The following TBC1D22A variants were observed in gnomAD, a reference collection of about 807,000 sequenced individuals.
TBC1D22A encodes TBC1 domain family member 22A.
Under a neutral mutation model 60.2 loss-of-function variants are expected in TBC1D22A, and 38 were observed. The ratio of observed to expected loss-of-function variants is 0.63; its 90% CI spans 0.49 to 0.83. The LOEUF (loss-of-function observed/expected upper bound fraction) is 0.83. Ranked by LOEUF, TBC1D22A falls within the 40% of genes least tolerant of loss-of-function variation. The probability of loss-of-function intolerance (pLI) is 0.00; values close to 1 mark genes in which losing one functional copy is unlikely to be tolerated. For synonymous variants in TBC1D22A, 302 were observed against 281.7 expected (o/e 1.07, Z -0.72); for missense variants, 628 against 701.0 (o/e 0.90, Z 1.18).
rs376952972 is a variant in TBC1D22A at position 46,941,334 on chromosome 22, A to AAT, written c.1015+29160_1015+29161dup. ...AACAGCATGGGGACTGGGGCACTAC[A>AAT]ATATATATATATATAGAATATATAT... is the stretch of plus-strand genomic sequence containing the variant. On this transcript the variant is annotated intron_variant, in intron 8 of 12. Coordinates refer to ENST00000337137, the MANE Select transcript of TBC1D22A (RefSeq NM_014346.5). 9.5e-4 allele frequency among the ~76,000 whole-genome samples: 136 copies of AAT among 143,136 alleles called. 2 individuals are homozygous for AAT. The highest frequency in any genetic ancestry group is 2.6e-3 in the African/African-American group (93 of 35,874). 93.9% of individuals were successfully genotyped at this position (143,136 alleles called of 152,430 possible). A position where few individuals can be genotyped will look rare whatever the true frequency, so the allele number is the denominator to read the frequency against.
At chr22:47,069,011 G>C (rs936861785) in intron 11 of TBC1D22A, among the ~76,000 whole-genome samples, 1 of 152,076 alleles carries the variant, frequency 6.6e-6, no homozygotes, top group Non-Finnish European at 1.5e-5. Context: ...GAGGCAGTAG[G>C]GTCCTATTTT....
At chr22:47,078,948 T>C (rs188409404) in intron 11 of TBC1D22A, among the ~76,000 whole-genome samples, 1 of 152,190 alleles carries the variant, frequency 6.6e-6, no homozygotes, top group Non-Finnish European at 1.5e-5. Context: ...AGCTCTCAGC[T>C]ACAGTGTCCT....
intron 8 of TBC1D22A, among the ~76,000 whole-genome samples, chr22:46,944,435 G>A (rs935780015): frequency 2.0e-5 from 3 of 151,902 alleles, no homozygotes; most frequent in East Asian, 1.9e-4. Context: ...GTCTTGCTCC[G>A]TCTCCCAGGC....
rs982423427 is a variant in TBC1D22A at position 46,897,540 on chromosome 22, A to G, written c.900+2694A>G. On this transcript the variant is annotated intron_variant, in intron 7 of 12. Coordinates refer to ENST00000337137, the MANE Select transcript of TBC1D22A (RefSeq NM_014346.5). Reference sequence around the variant, plus strand: ...CAATCAGAGGTACTTTCAGTTTTTCATCTGCCACGCAGAAGAGGGGTGGAT... The same window carrying G: ...CAATCAGAGGTACTTTCAGTTTTTCGTCTGCCACGCAGAAGAGGGGTGGAT... 2.3e-4 allele frequency among the ~76,000 whole-genome samples: 34 copies of G among 149,240 alleles called. No homozygotes were observed. The East Asian group carries it at 3.3e-3, about 15-fold the overall frequency.
At chr22:46,970,207 G>A (rs2073991644) in intron 8 of TBC1D22A, among the ~76,000 whole-genome samples, 1 of 152,098 alleles carries the variant, frequency 6.6e-6, no homozygotes, top group African/African-American at 2.4e-5. Flanking sequence ...CGGGGCCTGA[G>A]AGCCGCCCCC....
chr22:47,130,012 G>A (rs372232090), intron 12 of TBC1D22A, among the ~76,000 whole-genome samples: 3 of 152,178 alleles, frequency 2.0e-5, no homozygotes, highest in Non-Finnish European at 2.9e-5. Flanking sequence ...CCTCGTGCCC[G>A]GCCCTTCCTT....
At chr22:46,844,391 C>T (rs781181293) in intron 4 of TBC1D22A, among the ~76,000 whole-genome samples, 2 of 152,180 alleles carry the variant, frequency 1.3e-5, no homozygotes, top group East Asian at 3.9e-4. Flanking sequence ...CTGGGCAGCC[C>T]TGTCTCCCTC....
intron 11 of TBC1D22A, among the ~76,000 whole-genome samples, chr22:47,046,967 G>A (rs1245950795): frequency 6.6e-6 from 1 of 152,242 alleles, no homozygotes; most frequent in Non-Finnish European, 1.5e-5. Context: ...TTTCTTTGGG[G>A]CATTTTTGGT....
chr22:47,063,573 A>C (rs1246218721), intron 11 of TBC1D22A, among the ~76,000 whole-genome samples: 1 of 152,018 alleles, frequency 6.6e-6, no homozygotes, highest in African/African-American at 2.4e-5. Context: ...CACTGTGTTG[A>C]GGGTGAGCCT....
intron 10 of TBC1D22A, among the ~76,000 whole-genome samples, chr22:47,027,360 G>A (rs1411786367): frequency 6.6e-6 from 1 of 151,730 alleles, no homozygotes; most frequent in Non-Finnish European, 1.5e-5. Flanking sequence ...TAGGTTTTTG[G>A]GGAACAGGTG....
intron 8 of TBC1D22A, among the ~76,000 whole-genome samples, chr22:46,921,481 G>C (rs922858299): frequency 3.3e-5 from 5 of 152,138 alleles, no homozygotes; most frequent in African/African-American, 1.2e-4. Flanking sequence ...TCTTTATCCA[G>C]TCCACCATTG....
chr22:46,957,326 A>C (rs1457474191), intron 8 of TBC1D22A, among the ~76,000 whole-genome samples: 5 of 152,250 alleles, frequency 3.3e-5, no homozygotes, highest in Non-Finnish European at 5.9e-5. Context: ...AAGAGGTTTA[A>C]CTGACTCACA....
intron 1 of TBC1D22A, among the ~76,000 whole-genome samples, chr22:46,774,815 G>C (rs545520306): frequency 2.0e-4 from 31 of 152,166 alleles, no homozygotes; most frequent in Non-Finnish European, 4.0e-4. Context: ...GCTCATGCTT[G>C]GGTTCATTTG....
At chr22:46,974,424 C>G (rs774780731) in intron 9 of TBC1D22A, 25 bp downstream of exon 9, 6 of 1,574,404 alleles carry the variant, frequency 3.8e-6, no homozygotes, top group Non-Finnish European at 5.2e-6. Flanking sequence ...CCACGGGACA[C>G]AGCCCACGCC....
chr22:47,148,673 C>T (rs1388144479), intron 12 of TBC1D22A, among the ~76,000 whole-genome samples: 6 of 148,802 alleles, frequency 4.0e-5, no homozygotes, highest in Non-Finnish European at 7.5e-5. Flanking sequence ...CGTTCCTCTC[C>T]TGGGGTCCCT....
chr22:47,029,581 G>A (rs939278352), intron 10 of TBC1D22A, among the ~76,000 whole-genome samples: 4 of 152,282 alleles, frequency 2.6e-5, no homozygotes, highest in East Asian at 3.9e-4. Context: ...GCCCAGACTC[G>A]GCTGCTGCCC....
intron 12 of TBC1D22A, among the ~76,000 whole-genome samples, chr22:47,170,042 G>C (rs890069609): frequency 1.3e-5 from 2 of 152,186 alleles, no homozygotes; most frequent in East Asian, 3.9e-4. Context: ...AATGTGCCGC[G>C]TTTCCCAGAC....
intron 12 of TBC1D22A, among the ~76,000 whole-genome samples, chr22:47,124,461 C>T (rs1479146287): frequency 6.6e-6 from 1 of 152,220 alleles, no homozygotes; most frequent in Non-Finnish European, 1.5e-5. Context: ...TCCTGGGACG[C>T]ATTGGGACCT....
At chr22:46,920,266 G>A (rs1396291685) in intron 8 of TBC1D22A, among the ~76,000 whole-genome samples, 2 of 151,972 alleles carry the variant, frequency 1.3e-5, no homozygotes, top group Non-Finnish European at 1.5e-5. Context: ...TTTTGTAGAG[G>A]CAGAGTCTTG....
Sources: gnomAD v4.1 joint callset for allele counts (sites outside exome capture counted in the v4.1 genomes callset) on GRCh38, gnomAD v4.1.1 for gene constraint, MANE v1.5 for transcripts, NCBI Gene and HGNC (gene_info 2026-07-23, HGNC 2026-07-21) for gene names.